The following KIF3A variants were observed in gnomAD, a reference collection of about 807,000 sequenced individuals.
KIF3A encodes the protein kinesin family member 3A.
KIF3A carries 27 observed loss-of-function variants against 92.6 expected under a neutral mutation model. The ratio of observed to expected loss-of-function variants is 0.29; its 90% CI spans 0.21 to 0.40. The LOEUF is 0.40. KIF3A is among the 10% of genes least tolerant of loss of function. The pLI, the probability that KIF3A is intolerant of heterozygous loss-of-function variation, is 1.00. For synonymous variants in KIF3A, 250 were observed against 275.4 expected (o/e 0.91, Z 0.92); for missense variants, 581 against 872.6 (o/e 0.67, Z 4.21).
chr5:132,698,029 T>C (rs1752897162), intron 18 of KIF3A: 1 of 152,202 alleles, frequency 6.6e-6, no homozygotes, highest in Non-Finnish European at 1.5e-5. Flanking sequence ...ATAGGAAAGT[T>C]TTTAACCCCT....
intron 9 of KIF3A, 145 bp downstream of exon 9, chr5:132,710,812 CAA>C (rs1753394880): frequency 1.9e-6 from 2 of 1,080,070 alleles, no homozygotes; most frequent in Non-Finnish European, 2.6e-6. Flanking sequence ...AGAAAAAATG[CAA>C]AGTTAACCAG....
chr5:132,717,876 T>C (rs921499560), intron 5 of KIF3A, among the ~76,000 whole-genome samples: 2 of 152,204 alleles, frequency 1.3e-5, no homozygotes, highest in Non-Finnish European at 2.9e-5. Context: ...GGGTAATCTT[T>C]AATGAAGTGA....
intron 2 of KIF3A, among the ~76,000 whole-genome samples, chr5:132,731,882 T>G (rs575901467): frequency 6.6e-6 from 1 of 152,222 alleles, no homozygotes; most frequent in South Asian, 2.1e-4. Context: ...GGCTAATTTT[T>G]TTATTTTTAG....
chr5:132,721,907 G>A (rs1200690033), intron 4 of KIF3A, among the ~76,000 whole-genome samples: 1 of 152,102 alleles, frequency 6.6e-6, no homozygotes, highest in Non-Finnish European at 1.5e-5. Context: ...ATAAGGTTTG[G>A]TTTGATGAAA....
chr5:132,703,400 T>C, intron 12 of KIF3A, 63 bp downstream of exon 12: 2 of 1,408,590 alleles, frequency 1.4e-6, no homozygotes, highest in Non-Finnish European at 2.0e-6. Flanking sequence ...TTTCCTATTT[T>C]ATATATCCTA....
chr5:132,713,893 T>TC (rs1753520505), intron 8 of KIF3A, among the ~76,000 whole-genome samples: 1 of 129,144 alleles, frequency 7.7e-6, no homozygotes, highest in Non-Finnish European at 1.7e-5. Context: ...CACTTTCTTT[T>TC]TTTTTTTTTT....
intron 8 of KIF3A, among the ~76,000 whole-genome samples, chr5:132,714,784 G>A (rs1561700843): frequency 6.6e-6 from 1 of 152,130 alleles, no homozygotes; most frequent in Non-Finnish European, 1.5e-5. Flanking sequence ...TAAATTTTAT[G>A]TCATGTATAT....
At chr5:132,702,006 A>G in intron 15 of KIF3A, 81 bp downstream of exon 15, 1 of 1,397,848 alleles carries the variant, frequency 7.2e-7, no homozygotes, top group Non-Finnish European at 9.8e-7. Flanking sequence ...AGTATTAAGT[A>G]TTTATCATCA....
chr5:132,725,929 A>T (rs939259940), intron 4 of KIF3A, among the ~76,000 whole-genome samples, 199 bp downstream of exon 4: 13 of 152,158 alleles, frequency 8.5e-5, no homozygotes, highest in Non-Finnish European at 1.8e-4. Flanking sequence ...CAAATTTACC[A>T]ATAATTTACC....
intron 8 of KIF3A, among the ~76,000 whole-genome samples, chr5:132,713,168 A>AAACAACAACAAC: frequency 6.6e-6 from 1 of 152,032 alleles, no homozygotes; most frequent in South Asian, 2.1e-4. Flanking sequence ...AACAAAAAAC[A>AAACAACAACAAC]AACAACAACA....
chr5:132,709,040 C>T, intron 9 of KIF3A, 62 bp from the exon 10 acceptor site: 1 of 1,248,556 alleles, frequency 8.0e-7, no homozygotes, highest in Non-Finnish European at 1.1e-6. Flanking sequence ...AAAATGAACA[C>T]ACACACAGAG....
At chr5:132,732,909 CAAA>C (rs76049866) in intron 2 of KIF3A, among the ~76,000 whole-genome samples, 6 of 109,206 alleles carry the variant, frequency 5.5e-5, no homozygotes, top group Non-Finnish European at 7.8e-5. Flanking sequence ...ACTCCGTCTC[CAAA>C]AAAAAAAAAA....
intron 5 of KIF3A, among the ~76,000 whole-genome samples, chr5:132,719,014 T>G (rs116015666): frequency 0.03 from 4,558 of 152,240 alleles, 224 homozygotes; most frequent in African/African-American, 0.1. Flanking sequence ...TGAAGGTTAT[T>G]TAGATTGTTA....
chr5:132,703,441 A>G, intron 12 of KIF3A, 22 bp downstream of exon 12: 2 of 1,553,190 alleles, frequency 1.3e-6, no homozygotes, highest in Non-Finnish European at 1.8e-6. Context: ...TCATGAATTC[A>G]TCTCAATTCA....
rs1275728182 is a variant in KIF3A, at chr5:132,693,687, A to C, written c.*2947T>G. 1 of 152,684 alleles carries C rather than the reference A, an allele frequency of 6.5e-6. No homozygotes were observed. Among genetic ancestry groups the C allele is most frequent in the African/African-American group, 2.4e-5 (1 of 41,432 alleles). The allele number at this position is 152,684 out of a possible 1,614,324, so 9.5% of individuals were successfully genotyped here. The stretch of plus-strand genomic sequence containing the variant: ...GTCCCATATTTGCATATAGATATTC[A>C]GACCAGGCTTGAGGCCAGGCGTGGT... On this transcript the variant is annotated 3_prime_UTR_variant, in exon 19 of 19. Transcript: ENST00000403231.
intron 11 of KIF3A, among the ~76,000 whole-genome samples, chr5:132,704,476 A>C (rs577224561): frequency 1.1e-4 from 17 of 152,002 alleles, no homozygotes; most frequent in Non-Finnish European, 2.5e-4. Context: ...AATGTCTAAT[A>C]AAGTATTTTA....
chr5:132,732,831 C>G lies in KIF3A; in HGVS notation c.280+1374G>C, dbSNP rs1479511349. Among the ~76,000 whole-genome samples the G allele has an allele frequency of 2.0e-5, 3 of 151,984 alleles. No individual in the cohort carries two copies. In the East Asian group the frequency reaches 5.8e-4, roughly 29 times the overall value. On this transcript the variant is annotated intron_variant, in intron 2 of 18. Transcript: ENST00000403231. Reference sequence around the variant, plus strand: ...GGCTGAGGCAGGAGAATCGCTTGAACCCAGGAGGCAGAAGTTGCAGTGAGC... The same window carrying G: ...GGCTGAGGCAGGAGAATCGCTTGAAGCCAGGAGGCAGAAGTTGCAGTGAGC...
At chr5:132,708,159 G>A (rs1043789710) in intron 10 of KIF3A, among the ~76,000 whole-genome samples, 3 of 151,936 alleles carry the variant, frequency 2.0e-5, no homozygotes, top group African/African-American at 7.3e-5. Context: ...GCGGGCACCT[G>A]TAGTCCTAGC....
chr5:132,725,888 C>T (rs2149916541), intron 4 of KIF3A, among the ~76,000 whole-genome samples: 1 of 152,258 alleles, frequency 6.6e-6, no homozygotes, highest in South Asian at 2.1e-4. Context: ...GTATGTCTCA[C>T]ATCTTAAAAT....
Sources: gnomAD v4.1 joint callset for allele counts (sites outside exome capture counted in the v4.1 genomes callset) on GRCh38, gnomAD v4.1.1 for gene constraint, MANE v1.5 for transcripts, NCBI Gene and HGNC (gene_info 2026-07-23, HGNC 2026-07-21) for gene names.